The following IQSEC3 variants were observed in gnomAD, a reference collection of about 807,000 sequenced individuals.
IQSEC3 encodes IQ motif and Sec7 domain ArfGEF 3, also known as IQ motif and SEC7 domain-containing protein 3.
IQSEC3 carries 50 observed loss-of-function variants against 105.4 expected under a neutral mutation model. That is an observed-to-expected ratio of 0.47 (90% confidence interval 0.38 to 0.60). The LOEUF is 0.60. IQSEC3 is among the 20% of genes least tolerant of loss of function. The pLI is 0.00. For missense variants in IQSEC3, 1,415 were observed against 1,630.0 expected (o/e 0.87, Z 2.27); for synonymous variants, 708 against 746.0 (o/e 0.95, Z 0.83).
At position 139,354 on chromosome 12, in the gene IQSEC3, T is replaced by G; in HGVS notation, c.1991T>G (p.Ile664Arg). Residue 664 changes from isoleucine (I) to arginine (R), a missense_variant and splice_region_variant, in exon 4 of 14, where the codon ATA becomes AGA. By Grantham distance (97) the Ile-to-Arg change is moderately conservative (BLOSUM62 -3). Around this residue, in one of 6 missense-constraint regions of IQSEC3, gnomAD observed 213 missense variants for 306.2 expected, o/e 0.70. Transcript: ENST00000538872. Reference sequence around the variant, plus strand: ...CGCATCGGCCTCAACCTCTTCAACATGTAAGTCAGCCCCGGCCCCCAGCCC... The same window carrying G: ...CGCATCGGCCTCAACCTCTTCAACAGGTAAGTCAGCCCCGGCCCCCAGCCC... ...LYRIGLNLFN[I>R]NPDKGIQFLI... 6.5e-7 allele frequency: 1 copy of G among 1,548,626 alleles called. No homozygotes were observed. The highest frequency in any genetic ancestry group is 8.7e-7 in the Non-Finnish European group (1 of 1,143,910).
Position 125,715 on chromosome 12 carries a change from G to A in IQSEC3, c.706G>A (p.Ala236Thr), listed in dbSNP as rs200809668. The change falls in exon 3 of 14, where the codon GCC becomes ACC. Residue 236 changes from alanine to threonine, a missense_variant. Physicochemically the swap from Ala to Thr is moderately conservative, Grantham distance 58. Transcript: ENST00000538872. ...GGCGGTGGCAGCCGGCAGACCCAGT[G>A]CCCATGCCCCGAAGGCTCAAGCCCA... is the stretch of plus-strand genomic sequence containing the variant. ...AAAVAAGRPS[A>T]HAPKAQAQEL... 56 of 1,535,386 alleles carry A rather than the reference G, an allele frequency of 3.6e-5. 1 individual carries two copies. In the East Asian group the frequency reaches 1.2e-3, roughly 32 times the overall value.
intron 1 of IQSEC3, among the ~76,000 whole-genome samples, chr12:71,990 C>T (rs71286772): frequency 2.8e-3 from 425 of 152,106 alleles, no homozygotes; most frequent in African/African-American, 9.1e-3. Context: ...AAGGCCTAGG[C>T]CACTGCTCTT....
chr12:84,145 G>A (rs77645327), intron 1 of IQSEC3, among the ~76,000 whole-genome samples: 11,976 of 152,306 alleles, frequency 0.079, 608 homozygotes, highest in Non-Finnish European at 0.1. Flanking sequence ...CTGGGACAGA[G>A]ACCATTGTTC....
At chr12:147,260 G>A (rs538003125) in intron 5 of IQSEC3, among the ~76,000 whole-genome samples, 36 of 152,238 alleles carry the variant, frequency 2.4e-4, no homozygotes, top group Non-Finnish European at 3.7e-4. Flanking sequence ...CAGGAGGGCC[G>A]TTTGTGACCA....
At chr12:73,839 A>C (rs1244646200) in intron 1 of IQSEC3, among the ~76,000 whole-genome samples, 2 of 152,268 alleles carry the variant, frequency 1.3e-5, no homozygotes, top group African/African-American at 2.4e-5. Context: ...CATTCCAGAC[A>C]CAGGAATGTT....
chr12:120,874 G>T (rs1865195458), intron 2 of IQSEC3, among the ~76,000 whole-genome samples: 1 of 152,132 alleles, frequency 6.6e-6, no homozygotes, highest in Admixed American at 6.5e-5. Context: ...CCTTCATCTT[G>T]GTGCCACCCA....
intron 5 of IQSEC3, among the ~76,000 whole-genome samples, chr12:149,460 G>A (rs1199144680): frequency 1.3e-5 from 2 of 152,186 alleles, no homozygotes; most frequent in Admixed American, 6.5e-5. Flanking sequence ...ATCCTGGGCC[G>A]TTGGGTAGAA....
In IQSEC3 at chr12:157,014, C is replaced by A; in HGVS notation, c.2154-11C>A. On this transcript the variant is annotated splice_polypyrimidine_tract_variant and intron_variant, in intron 5 of 13. Coordinates refer to ENST00000538872, the MANE Select transcript of IQSEC3 (RefSeq NM_001170738.2). ...GCCACCTGACCTCACACCCTCCCTG[C>A]CTGCCCTCAGCTGCGTGGTGGACGA... The A allele has an allele frequency of 6.3e-7, 1 of 1,585,208 alleles. No homozygotes were observed.
chr12:136,770 G>A (rs1179209449), intron 3 of IQSEC3, among the ~76,000 whole-genome samples: 1 of 152,090 alleles, frequency 6.6e-6, no homozygotes, highest in African/African-American at 2.4e-5. Flanking sequence ...TCTGAGGGCT[G>A]ATCAGAGTCT....
chr12:107,275 C>G (rs1269759573), intron 2 of IQSEC3, among the ~76,000 whole-genome samples: 1 of 152,204 alleles, frequency 6.6e-6, no homozygotes, highest in Non-Finnish European at 1.5e-5. Context: ...AGGCCTCCAC[C>G]CTGGAGAGGT....
chr12:159,372 C>G (rs1866808942), intron 7 of IQSEC3, among the ~76,000 whole-genome samples: 1 of 152,232 alleles, frequency 6.6e-6, no homozygotes, highest in Non-Finnish European at 1.5e-5. Flanking sequence ...TTCCCTTGCT[C>G]TCATGACAGA....
intron 2 of IQSEC3, among the ~76,000 whole-genome samples, chr12:117,935 T>G (rs1865102085): frequency 6.6e-6 from 1 of 152,196 alleles, no homozygotes; most frequent in African/African-American, 2.4e-5. Flanking sequence ...GAAGTTCATC[T>G]GATGGCTTCA....
At chr12:89,505 A>G (rs1555072866) in intron 1 of IQSEC3, among the ~76,000 whole-genome samples, 1 of 152,236 alleles carries the variant, frequency 6.6e-6, no homozygotes. Flanking sequence ...TTTTACATGT[A>G]TAACTTGATG....
At chr12:156,937 C>T (rs1360971297) in intron 5 of IQSEC3, 88 bp from the exon 6 acceptor site, 9 of 1,403,478 alleles carry the variant, frequency 6.4e-6, no homozygotes. Flanking sequence ...CTGCACCTGT[C>T]CTGGCTGGGA....
chr12:100,511 T>C (rs371065883), intron 2 of IQSEC3, among the ~76,000 whole-genome samples: 6 of 152,220 alleles, frequency 3.9e-5, no homozygotes, highest in African/African-American at 1.2e-4. Context: ...TTTTGCCTCA[T>C]AGGGGAGCCA....
chr12:104,832 A>G (rs80094648), intron 2 of IQSEC3, among the ~76,000 whole-genome samples: 52,821 of 152,248 alleles, frequency 0.35, 11,334 homozygotes, highest in Non-Finnish European at 0.48. Context: ...GCCTCTTTCC[A>G]TCGGCTGTGA....
At position 177,205 on chromosome 12, in the gene IQSEC3, A is replaced by G. The variant is rs1939265388; in HGVS notation, c.*2172A>G. The G allele has an allele frequency of 7.6e-6, 1 of 131,286 alleles. No individual in the cohort carries two copies. The highest frequency in any genetic ancestry group is 1.6e-5 in the Non-Finnish European group (1 of 61,238). 8.1% of individuals were successfully genotyped at this position (131,286 alleles called of 1,614,324 possible). A position where few individuals can be genotyped will look rare whatever the true frequency, so the allele number is the denominator to read the frequency against. Reference sequence around the variant, plus strand: ...GCAGGACCCCGTCCCCTGCTCACACAGCTCTTCAAGCTTACCAAGGACAGG... The same window carrying G: ...GCAGGACCCCGTCCCCTGCTCACACGGCTCTTCAAGCTTACCAAGGACAGG... On this transcript the variant is annotated 3_prime_UTR_variant, in exon 14 of 14. Coordinates refer to ENST00000538872, the MANE Select transcript of IQSEC3 (RefSeq NM_001170738.2). This position sits in a 1 kb window ranked among gnomAD's most constrained non-coding sequence, Gnocchi z 5.3.
At chr12:156,991 C>G (rs1427149137) in intron 5 of IQSEC3, 34 bp from the exon 6 acceptor site, 4 of 1,547,208 alleles carry the variant, frequency 2.6e-6, no homozygotes, top group Non-Finnish European at 3.5e-6. Context: ...CTTAGGGTGC[C>G]ACCTGACCTC....
At chr12:76,554 T>C (rs1232854366) in intron 1 of IQSEC3, among the ~76,000 whole-genome samples, 1 of 152,284 alleles carries the variant, frequency 6.6e-6, no homozygotes, top group Non-Finnish European at 1.5e-5. Flanking sequence ...TTTTCCTTTC[T>C]CTGCATGAAG....
Sources: gnomAD v4.1 joint callset for allele counts (sites outside exome capture counted in the v4.1 genomes callset) on GRCh38, gnomAD v4.1.1 for gene constraint, gnomAD v4.1.1 regional missense constraint, Gnocchi (gnomAD v3.1) non-coding constraint, MANE v1.5 for transcripts, NCBI Gene and HGNC (gene_info 2026-07-23, HGNC 2026-07-21) for gene names.